The following DGKB variants were observed in gnomAD, a reference collection of about 807,000 sequenced individuals.
DGKB encodes diacylglycerol kinase beta, also known as 90 kDa diacylglycerol kinase.
DGKB carries 67 observed loss-of-function variants against 114.3 expected under a neutral mutation model. That is an observed-to-expected ratio of 0.59 (90% CI 0.48 to 0.72). The LOEUF is 0.72. Ranked by LOEUF, DGKB falls within the 30% of genes least tolerant of loss-of-function variation. The pLI is 0.00. For missense variants in DGKB, 907 were observed against 975.2 expected (o/e 0.93, Z 0.93); for synonymous variants, 398 against 323.1 (o/e 1.23, Z -2.49).
At chr7:14,778,542 C>T (rs1347133064) in intron 2 of DGKB, among the ~76,000 whole-genome samples, 1 of 152,154 alleles carries the variant, frequency 6.6e-6, no homozygotes, top group Non-Finnish European at 1.5e-5. Flanking sequence ...CTCTGTAGCC[C>T]TTGGCAGATG....
chr7:14,959,461 C>T (rs923099123), intron 1 of DGKB, among the ~76,000 whole-genome samples: 1 of 151,650 alleles, frequency 6.6e-6, no homozygotes, highest in Non-Finnish European at 1.5e-5. Flanking sequence ...TTCAATCTGA[C>T]ATCATAATCC....
chr7:14,654,531 G>A (rs1255901928), intron 13 of DGKB, among the ~76,000 whole-genome samples: 1 of 151,872 alleles, frequency 6.6e-6, no homozygotes. Flanking sequence ...CAAATAAATA[G>A]GGAAAAATCC....
chr7:14,899,714 C>T (rs1204616581), intron 1 of DGKB, among the ~76,000 whole-genome samples: 1 of 152,044 alleles, frequency 6.6e-6, no homozygotes, highest in African/African-American at 2.4e-5. Context: ...AACTTTGGAT[C>T]TGGGGTCAAT....
chr7:14,280,561 G>A (rs1251843853), intron 23 of DGKB, among the ~76,000 whole-genome samples: 5 of 149,970 alleles, frequency 3.3e-5, no homozygotes, highest in Non-Finnish European at 7.4e-5. Context: ...ATAATTGTCA[G>A]ATTCACCAAA....
intron 23 of DGKB, among the ~76,000 whole-genome samples, chr7:14,194,516 C>T (rs1357015974): frequency 2.0e-5 from 3 of 151,830 alleles, no homozygotes; most frequent in Non-Finnish European, 4.4e-5. Flanking sequence ...TTAAATATAA[C>T]AAGAAGATAA....
chr7:14,452,036 G>T (rs1831598687), intron 21 of DGKB, among the ~76,000 whole-genome samples: 1 of 152,110 alleles, frequency 6.6e-6, no homozygotes, highest in East Asian at 1.9e-4. Context: ...CAACAAGTTT[G>T]TTTTGAATTT....
chr7:14,341,350 T>A (rs1333196342), intron 22 of DGKB, among the ~76,000 whole-genome samples: 1 of 151,866 alleles, frequency 6.6e-6, no homozygotes, highest in African/African-American at 2.4e-5. Context: ...CCAGTAATTG[T>A]AGCACACCAG....
At chr7:14,257,576 C>A (rs1045821454) in intron 23 of DGKB, among the ~76,000 whole-genome samples, 3 of 152,056 alleles carry the variant, frequency 2.0e-5, no homozygotes, top group Admixed American at 6.6e-5. Context: ...ATAGTGAGTT[C>A]TCATGAGATC....
At chr7:14,806,667 G>C (rs1405887229) in intron 2 of DGKB, among the ~76,000 whole-genome samples, 1 of 151,854 alleles carries the variant, frequency 6.6e-6, no homozygotes, top group Non-Finnish European at 1.5e-5. Flanking sequence ...GTAGTACCTT[G>C]TAACAGTCAC....
intron 1 of DGKB, among the ~76,000 whole-genome samples, chr7:14,895,748 G>T (rs1436587258): frequency 6.6e-6 from 1 of 151,544 alleles, no homozygotes. Flanking sequence ...TCTCCTAAGG[G>T]ATAGTTTTCA....
intron 17 of DGKB, among the ~76,000 whole-genome samples, chr7:14,588,262 T>C (rs1234245016): frequency 1.3e-5 from 2 of 152,116 alleles, no homozygotes; most frequent in Admixed American, 1.3e-4. Flanking sequence ...TTAGTCCTTT[T>C]TGAATAACTT....
In DGKB at chr7:14,804,086, T is replaced by C. The variant is rs1842512791; in HGVS notation, c.70+37108A>G. ...CACTTTTTGGGTGTGTGTGTGTGTGTGTGTGTGTGTGTTTAGTAATTTTTT... is the reference window on the plus strand; with the variant it reads ...CACTTTTTGGGTGTGTGTGTGTGTGCGTGTGTGTGTGTTTAGTAATTTTTT... On this transcript the variant is annotated intron_variant, in intron 2 of 25. Coordinates refer to ENST00000402815, the MANE Select transcript of DGKB (RefSeq NM_001350709.2). Among the ~76,000 whole-genome samples, 3 of 151,960 alleles carry C rather than the reference T, an allele frequency of 2.0e-5. No individual in the cohort carries two copies. The South Asian group carries it at 6.2e-4, about 32-fold the overall frequency.
At chr7:14,263,067 C>A (rs747898794) in intron 23 of DGKB, among the ~76,000 whole-genome samples, 3 of 152,026 alleles carry the variant, frequency 2.0e-5, no homozygotes, top group African/African-American at 7.2e-5. Context: ...TAAAGGGATT[C>A]ATTAAGAATT....
chr7:14,405,593 C>A (rs1300761757), intron 21 of DGKB, among the ~76,000 whole-genome samples: 1 of 151,918 alleles, frequency 6.6e-6, no homozygotes, highest in Non-Finnish European at 1.5e-5. Context: ...GTTGAGGATG[C>A]AGAAACAATC....
At chr7:14,784,275 T>C (rs1839542227) in intron 2 of DGKB, among the ~76,000 whole-genome samples, 1 of 152,078 alleles carries the variant, frequency 6.6e-6, no homozygotes, top group Non-Finnish European at 1.5e-5. Context: ...GAGAACAACA[T>C]ACATTCTTAT....
chr7:14,957,435 C>A (rs978182275), intron 1 of DGKB, among the ~76,000 whole-genome samples: 1 of 151,878 alleles, frequency 6.6e-6, no homozygotes, highest in African/African-American at 2.4e-5. Flanking sequence ...AATGTGATAA[C>A]TGAGGTACAA....
chr7:14,723,836 A>G (rs1186853727), intron 5 of DGKB, among the ~76,000 whole-genome samples: 1 of 152,188 alleles, frequency 6.6e-6, no homozygotes, highest in Non-Finnish European at 1.5e-5. Flanking sequence ...GCCTATGATT[A>G]TCACATTTCT....
At chr7:14,368,962 T>A (rs1176046728) in intron 21 of DGKB, among the ~76,000 whole-genome samples, 1 of 152,064 alleles carries the variant, frequency 6.6e-6, no homozygotes, top group Non-Finnish European at 1.5e-5. Flanking sequence ...GGGATACATG[T>A]GCAGAAGGTG....
intron 1 of DGKB, among the ~76,000 whole-genome samples, chr7:14,913,917 C>G (rs1322687316): frequency 6.6e-6 from 1 of 152,004 alleles, no homozygotes; most frequent in Non-Finnish European, 1.5e-5. Flanking sequence ...GACAAGCAAA[C>G]ATAGAGAATC....
Sources: allele counts gnomAD v4.1 joint callset (sites outside exome capture counted in the v4.1 genomes callset), GRCh38; gene constraint gnomAD v4.1.1; transcripts MANE v1.5; gene names NCBI Gene and HGNC (gene_info 2026-07-23, HGNC 2026-07-21).